The following ERCC3 variants were observed in gnomAD, a reference collection of about 807,000 sequenced individuals.
ERCC3 encodes general transcription and DNA repair factor IIH helicase/translocase subunit XPB.
ERCC3 carries 66 observed loss-of-function variants against 94.2 expected under a neutral mutation model. The ratio of observed to expected loss-of-function variants is 0.70; its 90% CI spans 0.57 to 0.86. The LOEUF (loss-of-function observed/expected upper bound fraction) is 0.86, where lower values mean the gene tolerates loss of function less well. Ranked by LOEUF, ERCC3 falls within the 40% of genes least tolerant of loss-of-function variation. The pLI is 0.00. For synonymous variants in ERCC3, 349 were observed against 369.1 expected (o/e 0.95, Z 0.63); for missense variants, 829 against 987.1 (o/e 0.84, Z 2.15).
chr2:127,262,617 G>A (rs1272470485), intron 12 of ERCC3: 1 of 152,238 alleles, frequency 6.6e-6, no homozygotes, highest in East Asian at 1.9e-4. Context: ...AGTAGATTAG[G>A]GGCTGCCTAG....
chr2:127,286,741 C>T lies in ERCC3; in HGVS notation c.1304G>A (p.Trp435Ter). The T allele has an allele frequency of 6.2e-7, 1 of 1,614,116 alleles. No homozygotes were observed. The highest frequency in any genetic ancestry group is 1.1e-5 in the South Asian group (1 of 91,080). ...RVMEWLKTQE[W>*]GLMILDEVHT... Reference sequence around the variant, plus strand: ...CACTTCATCCAGGATCATGAGGCCCCACTCCTGGGTCTTGAGCCACTCCAT... The same window carrying T: ...CACTTCATCCAGGATCATGAGGCCCTACTCCTGGGTCTTGAGCCACTCCAT... The change falls in exon 8 of 15, where the codon TGG (tryptophan) becomes TAG (stop). Residue 435 changes from tryptophan (W) to a stop codon, truncating the protein, a stop_gained. Transcript: ENST00000285398. LOFTEE classifies it high-confidence loss of function.
chr2:127,283,439 G>A (rs1273275610), intron 8 of ERCC3, among the ~76,000 whole-genome samples: 1 of 152,206 alleles, frequency 6.6e-6, no homozygotes, highest in Admixed American at 6.5e-5. Flanking sequence ...TTTCACTACT[G>A]AGTAGTGTTC....
intron 13 of ERCC3, 72 bp downstream of exon 13, chr2:127,261,156 C>G: frequency 1.1e-6 from 1 of 885,822 alleles, no homozygotes; most frequent in Non-Finnish European, 1.9e-6. Flanking sequence ...CAGTGGCCCT[C>G]GCTTCTCCTG....
At chr2:127,262,409 C>T (rs1684215110) in intron 12 of ERCC3, 1 of 152,314 alleles carries the variant, frequency 6.6e-6, no homozygotes, top group Admixed American at 6.5e-5. Context: ...AGGAGAATCC[C>T]TTGAACCTGC....
At chr2:127,266,362 G>C (rs13424947) in intron 12 of ERCC3, among the ~76,000 whole-genome samples, 10,432 of 130,756 alleles carry the variant, frequency 0.08, 551 homozygotes, top group African/African-American at 0.16. Flanking sequence ...TTTTGAGAGA[G>C]TCTCGCTCTG....
At position 127,292,605 on chromosome 2, in the gene ERCC3, C is replaced by G; in HGVS notation, c.471+5G>C. On this transcript the variant is annotated splice_donor_5th_base_variant and intron_variant, in intron 3 of 14. Coordinates refer to ENST00000285398, the MANE Select transcript of ERCC3 (RefSeq NM_000122.2). Reference sequence around the variant, plus strand: ...GTGGAATTGCTGGTCTCAGCTGTCACTTGCCTTAATAAACTGCATAATTCC... The same window carrying G: ...GTGGAATTGCTGGTCTCAGCTGTCAGTTGCCTTAATAAACTGCATAATTCC... The G allele has an allele frequency of 1.9e-6, 3 of 1,586,514 alleles. No homozygotes were observed. Among genetic ancestry groups the G allele is most frequent in the Non-Finnish European group, 2.6e-6 (3 of 1,155,218 alleles).
chr2:127,263,559 T>A (rs1334654257), intron 12 of ERCC3, among the ~76,000 whole-genome samples: 1 of 152,184 alleles, frequency 6.6e-6, no homozygotes, highest in East Asian at 1.9e-4. Context: ...TAGAATCACA[T>A]CATTAGGGAA....
chr2:127,259,246 C>T lies in ERCC3; in HGVS notation c.2217+50G>A, dbSNP rs1156749377. The T allele has an allele frequency of 2.5e-6, 4 of 1,608,364 alleles. No individual in the cohort carries two copies. Among genetic ancestry groups the T allele is most frequent in the African/African-American group, 2.7e-5 (2 of 74,822 alleles). ...ATGTCTGTGTCTGTGTCTACAAACGCTGCCCTGTGAGAGCACTGACACCTG... is the reference window on the plus strand; with the variant it reads ...ATGTCTGTGTCTGTGTCTACAAACGTTGCCCTGTGAGAGCACTGACACCTG... On this transcript the variant is annotated intron_variant, in intron 14 of 14. Coordinates refer to ENST00000285398, the MANE Select transcript of ERCC3 (RefSeq NM_000122.2). This position sits in a 1 kb window ranked among gnomAD's most constrained non-coding sequence, Gnocchi z 4.9.
At chr2:127,288,153 T>C (rs1685139453) in intron 7 of ERCC3, among the ~76,000 whole-genome samples, 1 of 151,976 alleles carries the variant, frequency 6.6e-6, no homozygotes, top group African/African-American at 2.4e-5. Context: ...GGATAAGTGG[T>C]CAAACAGGTG....
chr2:127,273,657 G>A (rs979575898), intron 10 of ERCC3, among the ~76,000 whole-genome samples: 2 of 145,906 alleles, frequency 1.4e-5, no homozygotes, highest in African/African-American at 5.0e-5. Flanking sequence ...GCTGAGGCAG[G>A]AGAATCACTT....
intron 12 of ERCC3, among the ~76,000 whole-genome samples, chr2:127,267,897 AT>A (rs959625685): frequency 2.2e-4 from 34 of 151,300 alleles, no homozygotes; most frequent in African/African-American, 7.1e-4. Context: ...CTTGGTTAGG[AT>A]TTTTCTTTTT....
In ERCC3 at chr2:127,261,208, G is replaced by GA. The variant is rs767218456; in HGVS notation, c.2064+19dup. 5.4e-6 allele frequency: 8 copies of GA among 1,475,550 alleles called. No homozygotes were observed. In the South Asian group the frequency reaches 9.1e-5, roughly 17 times the overall value. The allele number at this position is 1,475,550 out of a possible 1,614,324, so 91.4% of individuals were successfully genotyped here. A position where few individuals can be genotyped will look rare whatever the true frequency, so the allele number is the denominator to read the frequency against. Reference sequence around the variant, plus strand: ...GAAGGCCTTGGTCCTAGTCTAACCAGAAGCCAAATGGATATGTACCTTGAA... The same window carrying GA: ...GAAGGCCTTGGTCCTAGTCTAACCAGAAAGCCAAATGGATATGTACCTTGAA... On this transcript the variant is annotated intron_variant, in intron 13 of 14. Coordinates refer to ENST00000285398, the MANE Select transcript of ERCC3 (RefSeq NM_000122.2).
intron 8 of ERCC3, among the ~76,000 whole-genome samples, chr2:127,282,870 C>T (rs894254662): frequency 1.3e-5 from 2 of 152,124 alleles, no homozygotes; most frequent in Non-Finnish European, 2.9e-5. Context: ...GATAACCAAT[C>T]CCAAATCTGT....
chr2:127,280,474 G>A lies in ERCC3; in HGVS notation c.1500C>T (p.Gly500=). 1 of 1,613,448 alleles carries A rather than the reference G, an allele frequency of 6.2e-7. No individual in the cohort carries two copies. The change falls in exon 9 of 15, where the codon GGC becomes GGT. Residue 500 remains glycine (G), a synonymous_variant. Coordinates refer to ENST00000285398, the MANE Select transcript of ERCC3 (RefSeq NM_000122.2). This position sits in a 1 kb window ranked among gnomAD's most constrained non-coding sequence, Gnocchi z 6.3. ...EANWMELQNN[G]YIAKVQCAEV... ...CAGCACACTGGACTTTGGCGATGTA[G>A]CCATTATTCTGCAGCTCCATCCAGT...
rs576879627 is a variant in ERCC3, at chr2:127,280,641, C to T, written c.1343-10G>A. On this transcript the variant is annotated splice_polypyrimidine_tract_variant and intron_variant, in intron 8 of 14. Transcript: ENST00000285398. The surrounding 1 kb of genome is among the most constrained non-coding windows in gnomAD (Gnocchi z 6.3). Reference sequence around the variant, plus strand: ...CTTCGGAACATCTTGGCTGAGGAAACAATGGGAGCATTCACACTGTCACTT... The same window carrying T: ...CTTCGGAACATCTTGGCTGAGGAAATAATGGGAGCATTCACACTGTCACTT... 2 of 1,612,080 alleles carry T rather than the reference C, an allele frequency of 1.2e-6. No homozygotes were observed. Among genetic ancestry groups the T allele is most frequent in the South Asian group, 2.2e-5 (2 of 91,040 alleles).
At position 127,259,462 on chromosome 2, in the gene ERCC3, G is replaced by C; in HGVS notation, c.2065-14C>G. 6.2e-7 allele frequency: 1 copy of C among 1,614,002 alleles called. No individual in the cohort carries two copies. The highest frequency in any genetic ancestry group is 1.1e-5 in the South Asian group (1 of 91,080). ...TTTCGTGATCACCTGCAAAGCCCAA[G>C]CCAGCAGACATGCCCCTTTCTGCTC... On this transcript the variant is annotated splice_polypyrimidine_tract_variant and intron_variant, in intron 13 of 14. Coordinates refer to ENST00000285398, the MANE Select transcript of ERCC3 (RefSeq NM_000122.2). This position sits in a 1 kb window ranked among gnomAD's most constrained non-coding sequence, Gnocchi z 4.9.
intron 4 of ERCC3, 193 bp downstream of exon 4, chr2:127,290,031 C>A: frequency 1.3e-6 from 1 of 764,934 alleles, no homozygotes. Flanking sequence ...CTGAGCCCAG[C>A]TCCACTGCTA....
chr2:127,272,833 G>C, intron 11 of ERCC3, 32 bp downstream of exon 11: 2 of 1,375,444 alleles, frequency 1.5e-6, no homozygotes, highest in Non-Finnish European at 2.1e-6. Context: ...GAGTGCTAGG[G>C]GCCTCACCTC....
intron 8 of ERCC3, among the ~76,000 whole-genome samples, chr2:127,281,631 GAA>G (rs1250242677): frequency 6.6e-6 from 1 of 152,048 alleles, no homozygotes; most frequent in African/African-American, 2.4e-5. Context: ...AAAATCTAAG[GAA>G]AAAGAGGCCT....
Sources: allele counts gnomAD v4.1 joint callset (sites outside exome capture counted in the v4.1 genomes callset), GRCh38; gene constraint gnomAD v4.1.1; non-coding constraint Gnocchi (gnomAD v3.1); transcripts MANE v1.5; gene names NCBI Gene and HGNC (gene_info 2026-07-23, HGNC 2026-07-21).